NCKAP1: variants seen among roughly 807,000 people sequenced by gnomAD.
NCKAP1 encodes nck-associated protein 1.
A neutral mutation model predicts 151.2 loss-of-function variants in NCKAP1; 21 were observed. That is an observed-to-expected ratio of 0.14 (90% CI 0.10 to 0.20). The LOEUF (loss-of-function observed/expected upper bound fraction) is 0.20, where lower values mean the gene tolerates loss of function less well. Among genes scored for constraint, NCKAP1 ranks in the 10% least tolerant of loss-of-function variants. The pLI, the probability that NCKAP1 is intolerant of heterozygous loss-of-function variation, is 1.00. For synonymous variants in NCKAP1, 484 were observed against 451.8 expected (o/e 1.07, Z -0.90); for missense variants, 933 against 1,352.1 (o/e 0.69, Z 4.86).
chr2:182,956,240 C>A (rs560102226), intron 20 of NCKAP1, among the ~76,000 whole-genome samples: 1 of 152,234 alleles, frequency 6.6e-6, no homozygotes, highest in South Asian at 2.1e-4. Context: ...CGGGGTTTCA[C>A]TGTGTTAGCC....
intron 13 of NCKAP1, 62 bp from the exon 14 acceptor site, chr2:182,978,977 T>C: frequency 9.0e-7 from 1 of 1,109,026 alleles, no homozygotes; most frequent in Non-Finnish European, 1.4e-6. Context: ...CTCAGGTCTA[T>C]CAATTAGTGG....
At chr2:183,037,948 C>T (rs766367285) in intron 1 of NCKAP1, 44 bp downstream of exon 1, 8 of 1,497,284 alleles carry the variant, frequency 5.3e-6, no homozygotes, top group East Asian at 2.6e-5. Context: ...TCATCCCTCC[C>T]GGGCCCGCCC....
intron 17 of NCKAP1, among the ~76,000 whole-genome samples, chr2:182,964,326 C>T (rs1246988072): frequency 6.6e-6 from 1 of 151,904 alleles, no homozygotes; most frequent in African/African-American, 2.4e-5. Context: ...TTCAGTAATC[C>T]ATAAATTTAA....
chr2:182,970,754 G>A (rs552547739), intron 15 of NCKAP1, among the ~76,000 whole-genome samples: 2 of 152,280 alleles, frequency 1.3e-5, no homozygotes, highest in African/African-American at 4.8e-5. Context: ...AGGACTGGAA[G>A]TCCTGGCCAA....
chr2:182,971,891 T>G (rs1382976732), intron 15 of NCKAP1, among the ~76,000 whole-genome samples: 3 of 152,000 alleles, frequency 2.0e-5, no homozygotes, highest in Admixed American at 6.6e-5. Context: ...CCTCTATCTC[T>G]CATCATACAA....
chr2:182,974,770 T>C lies in NCKAP1; in HGVS notation c.1482+2123A>G, dbSNP rs1238206132. On this transcript the variant is annotated intron_variant, in intron 15 of 30. Transcript: ENST00000361354. ...TCTATTGTTTAAGCCATCTAGTTGG[T>C]ACTTTGTTATGGCAGCCCTAGGAAA... 6.6e-5 allele frequency among the ~76,000 whole-genome samples: 10 copies of C among 152,246 alleles called. No homozygotes were observed. The South Asian group carries it at 1.2e-3, about 19-fold the overall frequency.
At chr2:182,999,734 A>AAG (rs1698342364) in intron 6 of NCKAP1, among the ~76,000 whole-genome samples, 1 of 152,206 alleles carries the variant, frequency 6.6e-6, no homozygotes, top group Admixed American at 6.5e-5. Context: ...CACAATAGCA[A>AAG]AGACATGGAA....
In NCKAP1 at chr2:183,029,718, G is replaced by T. The variant is rs1441552205; in HGVS notation, c.109-5802C>A. Reference sequence around the variant, plus strand: ...ATCTGTGGTCCCAGCTACCTGGGAGGCTAAGATGGAAGGACTGCTTGAGCC... The same window carrying T: ...ATCTGTGGTCCCAGCTACCTGGGAGTCTAAGATGGAAGGACTGCTTGAGCC... On this transcript the variant is annotated intron_variant, in intron 1 of 30. Transcript: ENST00000361354. Among the ~76,000 whole-genome samples the T allele has an allele frequency of 3.3e-5, 5 of 151,246 alleles. No homozygotes were observed. In the South Asian group the frequency reaches 1.0e-3, roughly 32 times the overall value.
chr2:182,935,128 A>T (rs754656146), intron 25 of NCKAP1, 165 bp downstream of exon 25: 20 of 610,430 alleles, frequency 3.3e-5, no homozygotes, highest in Non-Finnish European at 4.9e-5. Context: ...AAAACAAAAA[A>T]TGAGCTTAAA....
rs765823863 is a variant in NCKAP1, at chr2:182,926,825, C to G, written c.3261G>C (p.Leu1087=). ...TTRNRESVYL[L]LDMIVQESPF... ...TTAAAATGAGACTTACCATATCTAGCAGTAAATAAACAGATTCTCTATTTC... is the reference window on the plus strand; with the variant it reads ...TTAAAATGAGACTTACCATATCTAGGAGTAAATAAACAGATTCTCTATTTC... Residue 1087 remains leucine, a synonymous_variant, in exon 30 of 31, where the codon CTG becomes CTC. Coordinates refer to ENST00000361354, the MANE Select transcript of NCKAP1 (RefSeq NM_013436.5). The G allele has an allele frequency of 6.3e-7, 1 of 1,588,716 alleles. No individual in the cohort carries two copies. The highest frequency in any genetic ancestry group is 8.6e-7 in the Non-Finnish European group (1 of 1,162,078).
At chr2:182,990,193 ATTCT>A (rs1203697378) in intron 8 of NCKAP1, among the ~76,000 whole-genome samples, 3 of 151,768 alleles carry the variant, frequency 2.0e-5, no homozygotes, top group Admixed American at 6.6e-5. Flanking sequence ...GACAGGTGGT[ATTCT>A]TTCTTTTTTT....
In NCKAP1 at chr2:183,004,372, C is replaced by T. The variant is rs1172297061; in HGVS notation, c.220-1047G>A. On this transcript the variant is annotated intron_variant, in intron 2 of 30. Transcript: ENST00000361354. ...CAGGAACGTTAGGGGGAAGATGCAT[C>T]CATACATAATTGTACTGAACCACTA... Among the ~76,000 whole-genome samples the T allele has an allele frequency of 2.6e-5, 4 of 151,766 alleles. No homozygotes were observed. In the East Asian group the frequency reaches 7.8e-4, roughly 29 times the overall value.
chr2:183,029,821 G>GA (rs71405500), intron 1 of NCKAP1, among the ~76,000 whole-genome samples: 5,579 of 50,268 alleles, frequency 0.11, 333 homozygotes, highest in African/African-American at 0.19. Flanking sequence ...ACCCTGACTC[G>GA]AAAAAAAAAA....
chr2:183,006,758 T>C (rs944210166), intron 2 of NCKAP1, among the ~76,000 whole-genome samples: 3 of 152,110 alleles, frequency 2.0e-5, no homozygotes, highest in Admixed American at 2.0e-4. Flanking sequence ...TTATAGGAAA[T>C]AAAAAGCAGA....
At chr2:183,007,554 G>A (rs1025852689) in intron 2 of NCKAP1, among the ~76,000 whole-genome samples, 7 of 152,262 alleles carry the variant, frequency 4.6e-5, no homozygotes, top group African/African-American at 1.4e-4. Context: ...ACAAAGGAAC[G>A]TGGGTAGTTT....
intron 6 of NCKAP1, among the ~76,000 whole-genome samples, chr2:183,001,366 A>C (rs944364285): frequency 5.3e-5 from 8 of 152,196 alleles, no homozygotes; most frequent in Admixed American, 3.3e-4. Flanking sequence ...CATAATGACA[A>C]GACTACTTAC....
chr2:183,033,836 T>C (rs1261141752), intron 1 of NCKAP1, among the ~76,000 whole-genome samples: 1 of 152,176 alleles, frequency 6.6e-6, no homozygotes, highest in East Asian at 1.9e-4. Context: ...GCTTATAAAG[T>C]TATAAAGATG....
chr2:182,978,993 TAAAC>T (rs1051041200), intron 13 of NCKAP1, 78 bp from the exon 14 acceptor site: 4 of 876,530 alleles, frequency 4.6e-6, no homozygotes, highest in South Asian at 3.2e-5. Flanking sequence ...AGTGGACGGA[TAAAC>T]AAACTGGTAT....
At chr2:182,987,358 A>G (rs1698077646) in intron 9 of NCKAP1, among the ~76,000 whole-genome samples, 1 of 152,166 alleles carries the variant, frequency 6.6e-6, no homozygotes, top group Admixed American at 6.5e-5. Context: ...TTTCCAAAAT[A>G]TAATAATTCT....
Sources: allele counts gnomAD v4.1 joint callset (sites outside exome capture counted in the v4.1 genomes callset), GRCh38; gene constraint gnomAD v4.1.1; transcripts MANE v1.5; gene names NCBI Gene and HGNC (gene_info 2026-07-23, HGNC 2026-07-21).